CFTR: variants seen among roughly 807,000 people sequenced by gnomAD.
CFTR encodes the protein CF transmembrane conductance regulator.
In CFTR, 181 loss-of-function variants were observed where a neutral mutation model predicts 171.6. That is an observed-to-expected ratio of 1.05 (90% CI 0.93 to 1.19). CFTR has a LOEUF of 1.19. Among genes scored for constraint, CFTR ranks in the 50% most tolerant of loss-of-function variants. The pLI, the probability that CFTR is intolerant of heterozygous loss-of-function variation, is 0.00. For missense variants in CFTR, 1,968 were observed against 1,734.7 expected (o/e 1.13, Z -2.39); for synonymous variants, 583 against 608.0 (o/e 0.96, Z 0.60).
chr7:117,666,957 T>C lies in CFTR; in HGVS notation c.4292T>C (p.Leu1431Pro). The C allele has an allele frequency of 6.2e-7, 1 of 1,614,050 alleles. No homozygotes were observed. The highest frequency in any genetic ancestry group is 1.1e-5 in the South Asian group (1 of 91,072). ...VRQYDSIQKL[L>P]NERSLFRQAI... ...CAGTACGATTCCATCCAGAAACTGC[T>C]GAACGAGAGGAGCCTCTTCCGGCAA... Residue 1431 changes from leucine (L) to proline (P), a missense_variant, in exon 27 of 27, where the codon CTG (leucine) becomes CCG (proline). By Grantham distance (98) the Leu-to-Pro change is moderately conservative. Coordinates refer to ENST00000003084, the MANE Select transcript of CFTR (RefSeq NM_000492.4).
chr7:117,567,092 A>C (rs910837850), intron 11 of CFTR, among the ~76,000 whole-genome samples: 1 of 152,228 alleles, frequency 6.6e-6, no homozygotes, highest in Admixed American at 6.5e-5. Flanking sequence ...ATTAAAACAC[A>C]AAGTAAAAAA....
chr7:117,580,159 A>G (rs552559540), intron 11 of CFTR, among the ~76,000 whole-genome samples: 7 of 152,210 alleles, frequency 4.6e-5, no homozygotes, highest in African/African-American at 1.4e-4. Context: ...AAAGAAAAAG[A>G]GAAAAGAAAA....
chr7:117,559,328 A>G (rs1799413735), intron 10 of CFTR, 136 bp from the exon 11 acceptor site: 1 of 701,376 alleles, frequency 1.4e-6, no homozygotes, highest in African/African-American at 1.8e-5. Context: ...GAAGTATTTT[A>G]AATATTTTGA....
chr7:117,522,302 T>C (rs1045857621), intron 3 of CFTR, among the ~76,000 whole-genome samples: 2 of 152,210 alleles, frequency 1.3e-5, no homozygotes, highest in African/African-American at 4.8e-5. Flanking sequence ...TCAGATCATA[T>C]AATCAGAGAT....
At chr7:117,533,919 C>T (rs1300248973) in intron 4 of CFTR, among the ~76,000 whole-genome samples, 2 of 152,064 alleles carry the variant, frequency 1.3e-5, no homozygotes, top group Non-Finnish European at 2.9e-5. Flanking sequence ...AAGGCCAAGG[C>T]TTAATTTCAA....
Position 117,531,001 on chromosome 7 carries a change from G to A in CFTR, c.376G>A (p.Gly126Ser), listed in dbSNP as rs397508606. The A allele has an allele frequency of 4.3e-6, 7 of 1,612,372 alleles. No homozygotes were observed. The South Asian group carries it at 7.7e-5, about 18-fold the overall frequency. ...CTCTATCGCGATTTATCTAGGCATA[G>A]GCTTATGCCTTCTCTTTATTGTGAG... The part of the protein sequence containing the change: ...ERSIAIYLGI[G>S]LCLLFIVRTL... The change falls in exon 4 of 27, where the codon GGC (glycine) becomes AGC (serine). Residue 126 changes from glycine to serine, a missense_variant. Transcript: ENST00000003084.
At chr7:117,553,245 A>G (rs937815552) in intron 10 of CFTR, among the ~76,000 whole-genome samples, 5 of 152,016 alleles carry the variant, frequency 3.3e-5, no homozygotes, top group African/African-American at 1.2e-4. Context: ...ACACACACAC[A>G]CATGCACACA....
intron 2 of CFTR, among the ~76,000 whole-genome samples, chr7:117,507,106 GA>G (rs1798431540): frequency 6.6e-6 from 1 of 152,180 alleles, no homozygotes; most frequent in Non-Finnish European, 1.5e-5. Context: ...GTCAGGATAT[GA>G]ACTTTTTAAG....
At chr7:117,505,916 T>C (rs1406253681) in intron 2 of CFTR, among the ~76,000 whole-genome samples, 1 of 152,210 alleles carries the variant, frequency 6.6e-6, no homozygotes, top group Non-Finnish European at 1.5e-5. Flanking sequence ...GATTCACACT[T>C]CTAAGATCAA....
intron 22 of CFTR, among the ~76,000 whole-genome samples, chr7:117,633,840 A>G (rs1792787157): frequency 6.6e-6 from 1 of 152,006 alleles, no homozygotes; most frequent in Non-Finnish European, 1.5e-5. Flanking sequence ...TTTGTACCTG[A>G]GATTAATCCC....
chr7:117,568,168 G>A (rs143450496), intron 11 of CFTR, among the ~76,000 whole-genome samples: 1 of 152,176 alleles, frequency 6.6e-6, no homozygotes, highest in Non-Finnish European at 1.5e-5. Context: ...ATTACAGTAA[G>A]GTTGGAGTCT....
intron 22 of CFTR, among the ~76,000 whole-genome samples, chr7:117,634,254 A>G (rs1792792955): frequency 6.6e-6 from 1 of 152,104 alleles, no homozygotes; most frequent in South Asian, 2.1e-4. Context: ...TTAGGTTATC[A>G]AATATGTCAA....
intron 24 of CFTR, among the ~76,000 whole-genome samples, chr7:117,653,411 C>T (rs920688388): frequency 2.0e-5 from 3 of 152,102 alleles, no homozygotes; most frequent in Admixed American, 6.6e-5. Context: ...TTTGCTGTCT[C>T]GTGAGAGCAT....
chr7:117,562,061 T>G (rs970176825), intron 11 of CFTR, among the ~76,000 whole-genome samples: 1 of 152,162 alleles, frequency 6.6e-6, no homozygotes, highest in Admixed American at 6.5e-5. Context: ...TTAAATGAGA[T>G]GTACATGTAA....
intron 11 of CFTR, chr7:117,560,665 T>C (rs1235655142): frequency 6.6e-6 from 1 of 152,052 alleles, no homozygotes; most frequent in Admixed American, 6.6e-5. Context: ...TAGAGCCCCA[T>C]TCTTATTTTT....
At chr7:117,580,029 A>C (rs1791827276) in intron 11 of CFTR, among the ~76,000 whole-genome samples, 1 of 151,974 alleles carries the variant, frequency 6.6e-6, no homozygotes, top group African/African-American at 2.4e-5. Flanking sequence ...GGAATTTTTC[A>C]CTTGAAATAC....
chr7:117,495,478 T>G (rs1349952463), intron 1 of CFTR, among the ~76,000 whole-genome samples: 2 of 152,156 alleles, frequency 1.3e-5, no homozygotes, highest in East Asian at 3.9e-4. Flanking sequence ...TAGATACAGC[T>G]GTTAGAAGTG....
chr7:117,650,706 C>T (rs1793076041), intron 23 of CFTR, among the ~76,000 whole-genome samples: 1 of 152,086 alleles, frequency 6.6e-6, no homozygotes. Flanking sequence ...AATGCTTCAA[C>T]TCAGGTCCTG....
intron 9 of CFTR, among the ~76,000 whole-genome samples, chr7:117,546,691 TTC>T (rs1799153168): frequency 6.6e-6 from 1 of 152,186 alleles, no homozygotes; most frequent in African/African-American, 2.4e-5. Flanking sequence ...AAAGTCCCAC[TTC>T]TAAGCATGAT....
Sources: allele counts gnomAD v4.1 joint callset (sites outside exome capture counted in the v4.1 genomes callset), GRCh38; gene constraint gnomAD v4.1.1; transcripts MANE v1.5; gene names NCBI Gene and HGNC (gene_info 2026-07-23, HGNC 2026-07-21).